The following TMEM108 variants were observed in gnomAD, a reference collection of about 807,000 sequenced individuals.
The protein encoded by TMEM108 is transmembrane protein 108.
In TMEM108, 12 loss-of-function variants were observed where a neutral mutation model predicts 35.1. That is an observed-to-expected ratio of 0.34 (90% CI 0.22 to 0.55). The LOEUF (loss-of-function observed/expected upper bound fraction) is 0.55. TMEM108 is among the 20% of genes least tolerant of loss of function. The probability of loss-of-function intolerance (pLI) is 0.89; values close to 1 mark genes in which losing one functional copy is unlikely to be tolerated. For synonymous variants in TMEM108, 287 were observed against 308.6 expected, an observed-to-expected ratio of 0.93 and a Z score of 0.73; for missense variants, 680 against 753.3, an observed-to-expected ratio of 0.90 and a Z score of 1.14.
intron 3 of TMEM108, among the ~76,000 whole-genome samples, chr3:133,323,940 C>G (rs1290034365): frequency 2.0e-5 from 3 of 152,262 alleles, no homozygotes; most frequent in Non-Finnish European, 4.4e-5. Context: ...ACACCCTGTT[C>G]AACAAGTGGT....
At chr3:133,194,124 A>G (rs1286792611) in intron 2 of TMEM108, among the ~76,000 whole-genome samples, 1 of 151,972 alleles carries the variant, frequency 6.6e-6, no homozygotes, top group East Asian at 1.9e-4. Flanking sequence ...TTTAGTAGAG[A>G]CGGGGTTTCA....
rs748242141 is a variant in TMEM108 at position 133,380,062 on chromosome 3, C to T, written c.351C>T (p.Pro117=). 1.1e-4 allele frequency: 178 copies of T among 1,613,862 alleles called. No homozygotes were observed. Among genetic ancestry groups the T allele is most frequent in the Non-Finnish European group, 1.4e-4 (169 of 1,179,986 alleles). Residue 117 remains proline, a synonymous_variant, in exon 4 of 6, where the codon CCC becomes CCT. Transcript: ENST00000321871. The surrounding 1 kb of genome is among the most constrained non-coding windows in gnomAD (Gnocchi z 5.3). The stretch of plus-strand genomic sequence containing the variant: ...CTGAAAGCTCCCTGTCCACAGGGCC[C>T]GCTCCAGCAGCCATGGCAACCACAT... ...PHSESSLSTG[P]APAAMATTSS...
chr3:133,141,970 T>C (rs765825994), intron 2 of TMEM108, among the ~76,000 whole-genome samples: 3 of 152,200 alleles, frequency 2.0e-5, no homozygotes, highest in Non-Finnish European at 2.9e-5. Flanking sequence ...GACAATTCTT[T>C]GTTATGGGGA....
At chr3:133,233,190 C>T (rs981117178) in intron 3 of TMEM108, among the ~76,000 whole-genome samples, 1 of 152,090 alleles carries the variant, frequency 6.6e-6, no homozygotes, top group African/African-American at 2.4e-5. Flanking sequence ...TCCCTCCCCG[C>T]TCCGCCACCC....
At chr3:133,046,375 G>T (rs922917720) in intron 2 of TMEM108, among the ~76,000 whole-genome samples, 2 of 152,154 alleles carry the variant, frequency 1.3e-5, no homozygotes, top group African/African-American at 4.8e-5. Context: ...TCATATGTTA[G>T]CTCTGGTAGC....
intron 2 of TMEM108, among the ~76,000 whole-genome samples, chr3:133,063,946 G>A (rs886411333): frequency 1.3e-5 from 2 of 152,148 alleles, no homozygotes; most frequent in African/African-American, 2.4e-5. Context: ...ATCACTTCAC[G>A]TATTTCACCA....
At chr3:133,354,944 T>C (rs2072117433) in intron 3 of TMEM108, among the ~76,000 whole-genome samples, 1 of 152,196 alleles carries the variant, frequency 6.6e-6, no homozygotes, top group Admixed American at 6.5e-5. Context: ...GATCGTCACT[T>C]CATACTCATG....
intron 2 of TMEM108, among the ~76,000 whole-genome samples, chr3:133,078,592 T>G (rs1248605467): frequency 5.9e-5 from 9 of 152,198 alleles, no homozygotes; most frequent in Admixed American, 5.2e-4. Flanking sequence ...TTTTAATTAT[T>G]GATAGCAACT....
At chr3:133,173,906 G>A (rs978804931) in intron 2 of TMEM108, among the ~76,000 whole-genome samples, 1 of 152,210 alleles carries the variant, frequency 6.6e-6, no homozygotes, top group East Asian at 1.9e-4. Context: ...AAGCACAAGG[G>A]GTTAGGGAAT....
chr3:133,309,682 C>CTTTTTTTTTTTT lies in TMEM108; in HGVS notation c.41-70045_41-70034dup, dbSNP rs148272827. 3.8e-4 allele frequency among the ~76,000 whole-genome samples: 26 copies of CTTTTTTTTTTTT among 69,192 alleles called. 5 individuals are homozygous for CTTTTTTTTTTTT. Among genetic ancestry groups the CTTTTTTTTTTTT allele is most frequent in the Non-Finnish European group, 5.3e-4 (19 of 35,700 alleles). The allele number at this position is 69,192 out of a possible 152,430, so 45.4% of individuals were successfully genotyped here. A position where few individuals can be genotyped will look rare whatever the true frequency, so the allele number is the denominator to read the frequency against. ...TAGTTATGCGGGTTTGAGTGAGTTT[C>CTTTTTTTTTTTT]TTTTTTTTTTTTTTTTTTTTTTTTT... On this transcript the variant is annotated intron_variant, in intron 3 of 5. Coordinates refer to ENST00000321871, the MANE Select transcript of TMEM108 (RefSeq NM_023943.4).
At chr3:133,333,025 G>T (rs1019495033) in intron 3 of TMEM108, among the ~76,000 whole-genome samples, 1 of 152,130 alleles carries the variant, frequency 6.6e-6, no homozygotes, top group African/African-American at 2.4e-5. Flanking sequence ...CAAGGCCCTA[G>T]CAAGCTCTAT....
At chr3:133,078,843 T>A (rs1002393899) in intron 2 of TMEM108, among the ~76,000 whole-genome samples, 1 of 152,172 alleles carries the variant, frequency 6.6e-6, no homozygotes, top group Non-Finnish European at 1.5e-5. Flanking sequence ...GAAAAAGACT[T>A]TGAAGGGACT....
At chr3:133,279,170 A>T (rs145781684) in intron 3 of TMEM108, among the ~76,000 whole-genome samples, 113 of 152,338 alleles carry the variant, frequency 7.4e-4, no homozygotes, top group African/African-American at 2.5e-3. Flanking sequence ...AAGCACTTGC[A>T]CTTAGACACA....
chr3:133,271,612 CAG>C (rs994340189), intron 3 of TMEM108, among the ~76,000 whole-genome samples: 1 of 152,126 alleles, frequency 6.6e-6, no homozygotes, highest in African/African-American at 2.4e-5. Flanking sequence ...CACGATTGCC[CAG>C]ATAGTGTGTG....
chr3:133,120,493 T>A (rs1321447616), intron 2 of TMEM108, among the ~76,000 whole-genome samples: 1 of 152,214 alleles, frequency 6.6e-6, no homozygotes, highest in African/African-American at 2.4e-5. Context: ...GCTGTGTGCC[T>A]GGTTCAAATC....
At chr3:133,283,263 T>C (rs1946940215) in intron 3 of TMEM108, among the ~76,000 whole-genome samples, 1 of 152,226 alleles carries the variant, frequency 6.6e-6, no homozygotes. Flanking sequence ...CCCAGATTAA[T>C]AACCCAGCAT....
intron 3 of TMEM108, among the ~76,000 whole-genome samples, chr3:133,334,632 T>C (rs771468701): frequency 1.7e-4 from 26 of 152,134 alleles, no homozygotes; most frequent in Non-Finnish European, 2.5e-4. Flanking sequence ...TCTGAAGATA[T>C]AGTGAAGGGA....
At chr3:133,175,802 A>T (rs1455355252) in intron 2 of TMEM108, among the ~76,000 whole-genome samples, 1 of 152,186 alleles carries the variant, frequency 6.6e-6, no homozygotes, top group African/African-American at 2.4e-5. Context: ...ATAATGACAG[A>T]TCAAATTCAC....
intron 2 of TMEM108, among the ~76,000 whole-genome samples, chr3:133,186,041 T>A (rs1379973542): frequency 1.3e-5 from 2 of 150,316 alleles, no homozygotes; most frequent in African/African-American, 4.8e-5. Context: ...GTGCTGGGAT[T>A]ACAGGCATGA....
Sources: allele counts gnomAD v4.1 joint callset (sites outside exome capture counted in the v4.1 genomes callset), GRCh38; gene constraint gnomAD v4.1.1; non-coding constraint Gnocchi (gnomAD v3.1); transcripts MANE v1.5; gene names NCBI Gene and HGNC (gene_info 2026-07-23, HGNC 2026-07-21).